Variants in SNX29 observed in about 807,000 individuals in gnomAD.
SNX29 encodes the protein sorting nexin 29.
Under a neutral mutation model 102.1 loss-of-function variants are expected in SNX29, and 78 were observed. The ratio of observed to expected loss-of-function variants is 0.76; its 90% CI spans 0.64 to 0.92. The LOEUF is 0.92. SNX29 is among the 40% of genes least tolerant of loss of function. The probability of loss-of-function intolerance (pLI) is 0.00; values close to 1 mark genes in which losing one functional copy is unlikely to be tolerated. For missense variants in SNX29, 1,280 were observed against 1,061.7 expected (o/e 1.21, Z -2.86); for synonymous variants, 580 against 414.5 (o/e 1.40, Z -4.85).
At chr16:12,249,530 G>C (rs920649880) in intron 14 of SNX29, among the ~76,000 whole-genome samples, 59 of 152,036 alleles carry the variant, frequency 3.9e-4, no homozygotes, top group Non-Finnish European at 8.2e-4. Flanking sequence ...TTCATTCCAG[G>C]CCACTGGTCT....
intron 1 of SNX29, among the ~76,000 whole-genome samples, chr16:11,978,475 A>G (rs779468538): frequency 3.9e-5 from 6 of 152,250 alleles, no homozygotes; most frequent in Non-Finnish European, 8.8e-5. Flanking sequence ...ACTAAATAAC[A>G]TTCATCAGTT....
intron 19 of SNX29, among the ~76,000 whole-genome samples, chr16:12,497,404 G>C (rs1241407110): frequency 6.6e-6 from 1 of 152,236 alleles, no homozygotes; most frequent in East Asian, 1.9e-4. Flanking sequence ...TGCTATGGAG[G>C]AGGTTAAATT....
chr16:12,499,123 C>A (rs116929320), intron 19 of SNX29, among the ~76,000 whole-genome samples: 1 of 152,124 alleles, frequency 6.6e-6, no homozygotes. Context: ...AGTGGGAAAT[C>A]GCAGTAGAAG....
At chr16:12,523,261 C>T (rs112907680) in intron 19 of SNX29, among the ~76,000 whole-genome samples, 2 of 152,206 alleles carry the variant, frequency 1.3e-5, no homozygotes, top group African/African-American at 4.8e-5. Flanking sequence ...TGTATGGGGC[C>T]TCCTGGGCGA....
intron 16 of SNX29, among the ~76,000 whole-genome samples, chr16:12,364,238 ACT>A (rs2082393665): frequency 7.1e-6 from 1 of 140,766 alleles, no homozygotes; most frequent in Non-Finnish European, 1.5e-5. Context: ...GCAGGCTCTC[ACT>A]ATATTGCCCA....
chr16:12,518,991 G>T (rs1015382747), intron 19 of SNX29, among the ~76,000 whole-genome samples: 1 of 152,186 alleles, frequency 6.6e-6, no homozygotes, highest in South Asian at 2.1e-4. Flanking sequence ...ATAAATCAGG[G>T]CTTGCAAATG....
At chr16:12,419,015 C>T (rs1256262372) in intron 18 of SNX29, among the ~76,000 whole-genome samples, 6 of 152,136 alleles carry the variant, frequency 3.9e-5, no homozygotes, top group Admixed American at 1.3e-4. Flanking sequence ...TGGGCAGGGC[C>T]GGGGGTGCTG....
At chr16:12,038,349 C>T (rs1232299665) in intron 4 of SNX29, among the ~76,000 whole-genome samples, 3 of 152,208 alleles carry the variant, frequency 2.0e-5, no homozygotes, top group Non-Finnish European at 4.4e-5. Flanking sequence ...TTGATAGAAA[C>T]TTTCCCAAAA....
At chr16:12,350,336 G>C (rs2081959100) in intron 15 of SNX29, among the ~76,000 whole-genome samples, 1 of 152,158 alleles carries the variant, frequency 6.6e-6, no homozygotes, top group Non-Finnish European at 1.5e-5. Context: ...TATTTACATA[G>C]CACTTACATC....
Position 12,570,345 on chromosome 16 carries a change from C to A in SNX29, c.*1716C>A. ...GGCAACTTGGTCTCCCTCCCACTCACCTGCCAACATTGCTGCAATACACAT... is the reference window on the plus strand; with the variant it reads ...GGCAACTTGGTCTCCCTCCCACTCAACTGCCAACATTGCTGCAATACACAT... On this transcript the variant is annotated 3_prime_UTR_variant, in exon 21 of 21. Transcript: ENST00000566228. 1 of 650,212 alleles carries A rather than the reference C, an allele frequency of 1.5e-6. No homozygotes were observed. Among genetic ancestry groups the A allele is most frequent in the Non-Finnish European group, 2.0e-6 (1 of 499,306 alleles). The allele number at this position is 650,212 out of a possible 1,614,324, so 40.3% of individuals were successfully genotyped here. A position where few individuals can be genotyped will look rare whatever the true frequency, so the allele number is the denominator to read the frequency against.
chr16:12,147,285 G>A (rs972445480), intron 13 of SNX29, among the ~76,000 whole-genome samples: 5 of 152,316 alleles, frequency 3.3e-5, no homozygotes, highest in African/African-American at 1.2e-4. Context: ...GGTTGTGTCT[G>A]AAATGTTGCT....
chr16:12,291,377 C>T (rs564096779), intron 15 of SNX29, among the ~76,000 whole-genome samples: 5 of 152,290 alleles, frequency 3.3e-5, no homozygotes, highest in African/African-American at 1.2e-4. Context: ...ACTGTCAGAT[C>T]TCGTGAGACT....
intron 16 of SNX29, among the ~76,000 whole-genome samples, chr16:12,389,618 G>A (rs557881447): frequency 1.3e-5 from 2 of 151,896 alleles, no homozygotes; most frequent in Non-Finnish European, 2.9e-5. Context: ...AAGAACATTT[G>A]TTCCCTGTTT....
chr16:12,030,175 C>G lies in SNX29; in HGVS notation c.247+2731C>G, dbSNP rs191782107. ...TGTTGGCATATCACTTCCATACCCT[C>G]AAATATTATTCATCCTTGGATTCAT... On this transcript the variant is annotated intron_variant, in intron 4 of 20. Transcript: ENST00000566228. 2.0e-5 allele frequency among the ~76,000 whole-genome samples: 3 copies of G among 152,312 alleles called. No homozygotes were observed. In the East Asian group the frequency reaches 5.8e-4, roughly 29 times the overall value.
At chr16:12,353,096 C>T (rs1336846218) in intron 15 of SNX29, among the ~76,000 whole-genome samples, 2 of 152,152 alleles carry the variant, frequency 1.3e-5, no homozygotes, top group Non-Finnish European at 2.9e-5. Flanking sequence ...CCTGTCTTCT[C>T]TCCGAGTCAC....
At chr16:12,386,266 A>T (rs899032614) in intron 16 of SNX29, among the ~76,000 whole-genome samples, 1 of 152,226 alleles carries the variant, frequency 6.6e-6, no homozygotes, top group South Asian at 2.1e-4. Flanking sequence ...CCAGATAATG[A>T]TAGCCAAGGT....
At chr16:12,352,023 A>G (rs1036236997) in intron 15 of SNX29, among the ~76,000 whole-genome samples, 2 of 152,214 alleles carry the variant, frequency 1.3e-5, no homozygotes, top group African/African-American at 4.8e-5. Context: ...TTTTGAGCTC[A>G]CATGCAAGTA....
chr16:12,357,177 C>T (rs2082158725), intron 16 of SNX29, among the ~76,000 whole-genome samples: 2 of 152,314 alleles, frequency 1.3e-5, no homozygotes, highest in Non-Finnish European at 1.5e-5. Flanking sequence ...TTCAGGCAGG[C>T]TGTGTAATGC....
intron 13 of SNX29, among the ~76,000 whole-genome samples, chr16:12,183,591 C>A (rs965704212): frequency 6.6e-6 from 1 of 152,192 alleles, no homozygotes; most frequent in African/African-American, 2.4e-5. Context: ...GCACTTCTTT[C>A]CGAAGAACAA....
Sources: gnomAD v4.1 joint callset for allele counts (sites outside exome capture counted in the v4.1 genomes callset) on GRCh38, gnomAD v4.1.1 for gene constraint, MANE v1.5 for transcripts, NCBI Gene and HGNC (gene_info 2026-07-23, HGNC 2026-07-21) for gene names.